Variants in RARB observed in about 807,000 individuals in gnomAD.
RARB encodes the protein HBV-activated protein.
RARB carries 17 observed loss-of-function variants against 51.9 expected under a neutral mutation model. That is an observed-to-expected ratio of 0.33 (90% confidence interval 0.22 to 0.49). The LOEUF is 0.49. RARB is among the 20% of genes least tolerant of loss of function. The probability of loss-of-function intolerance (pLI) is 0.99; values close to 1 mark genes in which losing one functional copy is unlikely to be tolerated. For missense variants in RARB, 369 were observed against 550.8 expected (o/e 0.67, Z 3.30); for synonymous variants, 215 against 195.4 (o/e 1.10, Z -0.84).
At chr3:25,593,167 T>TTC (rs1039279957) in intron 5 of RARB, among the ~76,000 whole-genome samples, 1 of 145,250 alleles carries the variant, frequency 6.9e-6, no homozygotes, top group Non-Finnish European at 1.5e-5. Flanking sequence ...TTATTCATCT[T>TTC]TTTTTTTTTT....
intron 5 of RARB, among the ~76,000 whole-genome samples, chr3:25,407,521 G>A (rs2125498542): frequency 6.6e-6 from 1 of 152,150 alleles, no homozygotes; most frequent in African/African-American, 2.4e-5. Flanking sequence ...TTGTATTTCT[G>A]TCCCTTTGAG....
chr3:25,445,966 G>A (rs1708912569), intron 1 of RARB, among the ~76,000 whole-genome samples: 1 of 152,150 alleles, frequency 6.6e-6, no homozygotes, highest in Admixed American at 6.5e-5. Context: ...ATGGATTAAA[G>A]GTATTAAAAC....
chr3:24,903,722 T>TATTG, intron 2 of RARB, among the ~76,000 whole-genome samples: 1 of 152,232 alleles, frequency 6.6e-6, no homozygotes, highest in African/African-American at 2.4e-5. Context: ...ATCTGATAAA[T>TATTG]ACTGACATCA....
At position 25,428,324 on chromosome 3, in the gene RARB, G is replaced by A. The variant is rs1559396537; in HGVS notation, c.-408G>A. The A allele has an allele frequency of 3.2e-6, 4 of 1,245,832 alleles. No homozygotes were observed. The highest frequency in any genetic ancestry group is 4.0e-6 in the Non-Finnish European group (4 of 995,808). 77.2% of individuals were successfully genotyped at this position (1,245,832 alleles called of 1,614,324 possible). ...AGGAGGGTCTATTCTTTGCCAAAGG[G>A]GGGACCAGAATTCCCCCATGCGAGC... On this transcript the variant is annotated 5_prime_UTR_variant, in exon 1 of 8. Coordinates refer to ENST00000330688, the MANE Select transcript of RARB (RefSeq NM_000965.5).
intron 5 of RARB, among the ~76,000 whole-genome samples, chr3:25,200,316 G>C (rs913375625): frequency 2.0e-5 from 3 of 150,118 alleles, no homozygotes; most frequent in African/African-American, 4.9e-5. Context: ...AAATTTGTTT[G>C]AGTTCTCTGT....
At chr3:25,016,193 A>T (rs1697504260) in intron 2 of RARB, among the ~76,000 whole-genome samples, 1 of 152,216 alleles carries the variant, frequency 6.6e-6, no homozygotes, top group East Asian at 1.9e-4. Context: ...TGTAGAGCAC[A>T]CTGTACTTAT....
intron 5 of RARB, among the ~76,000 whole-genome samples, chr3:25,186,736 A>AT (rs1178622146): frequency 3.3e-5 from 5 of 152,038 alleles, no homozygotes; most frequent in Non-Finnish European, 5.9e-5. Context: ...AAAAGAAATG[A>AT]TTTTTTTCCT....
chr3:25,324,144 C>T (rs556958646), intron 5 of RARB: 6 of 152,472 alleles, frequency 3.9e-5, no homozygotes, highest in African/African-American at 7.2e-5. Context: ...CTCTCTTTGT[C>T]ATCTCTTTTT....
intron 4 of RARB, among the ~76,000 whole-genome samples, chr3:25,146,685 T>G (rs1700199207): frequency 2.0e-5 from 3 of 151,116 alleles, no homozygotes. Context: ...TTTGTGGGGT[T>G]TTTTTTGTAT....
chr3:25,532,543 T>A (rs73048048), intron 3 of RARB, among the ~76,000 whole-genome samples: 6,759 of 152,302 alleles, frequency 0.044, 211 homozygotes, highest in Middle Eastern at 0.16. Flanking sequence ...GTAGTTTCTC[T>A]AGTGATAATT....
intron 2 of RARB, among the ~76,000 whole-genome samples, chr3:24,921,544 T>A (rs940375180): frequency 1.3e-5 from 2 of 152,144 alleles, no homozygotes; most frequent in African/African-American, 4.8e-5. Context: ...GCCCTGTGTT[T>A]ACCAGTGAGC....
intron 2 of RARB, among the ~76,000 whole-genome samples, chr3:25,466,059 A>C (rs76815724): frequency 0.043 from 6,594 of 152,242 alleles, 291 homozygotes; most frequent in Admixed American, 0.12. Flanking sequence ...TGGGGGTGAT[A>C]TTACCTACCT....
chr3:25,381,288 G>A (rs535083646), intron 5 of RARB, among the ~76,000 whole-genome samples: 101 of 152,276 alleles, frequency 6.6e-4, no homozygotes, highest in Admixed American at 6.2e-3. Flanking sequence ...TTAGCCCAGG[G>A]ATGAGGATAA....
At chr3:24,870,552 T>A (rs1702927387) in intron 2 of RARB, among the ~76,000 whole-genome samples, 1 of 152,136 alleles carries the variant, frequency 6.6e-6, no homozygotes, top group Non-Finnish European at 1.5e-5. Flanking sequence ...AGTTTAAGCC[T>A]TCTACCTATA....
At chr3:24,892,136 G>A (rs1371479058) in intron 2 of RARB, among the ~76,000 whole-genome samples, 3 of 151,578 alleles carry the variant, frequency 2.0e-5, no homozygotes, top group African/African-American at 7.3e-5. Context: ...GCCAGATGAA[G>A]GAGGACATGT....
chr3:25,226,637 G>C (rs1207928489), intron 5 of RARB, among the ~76,000 whole-genome samples: 1 of 152,126 alleles, frequency 6.6e-6, no homozygotes, highest in Non-Finnish European at 1.5e-5. Flanking sequence ...CACTCAACTT[G>C]TCTTCAAGCA....
At chr3:24,917,910 G>T (rs1038732534) in intron 2 of RARB, among the ~76,000 whole-genome samples, 1 of 152,238 alleles carries the variant, frequency 6.6e-6, no homozygotes, top group Non-Finnish European at 1.5e-5. Flanking sequence ...GTAAGTACTG[G>T]TGAAGATGTA....
Position 25,262,508 on chromosome 3 carries a change from T to C in RARB, c.178+87933T>C, listed in dbSNP as rs551331033. On this transcript the variant is annotated intron_variant, in intron 5 of 11. Coordinates refer to the RARB transcript ENST00000383772. Reference sequence around the variant, plus strand: ...GCAGGGCTCGTTCCTTTCTGTTGACTTTGGACATGATCCTTGTCCTTAACC... The same window carrying C: ...GCAGGGCTCGTTCCTTTCTGTTGACCTTGGACATGATCCTTGTCCTTAACC... Among the ~76,000 whole-genome samples, 110 of 152,336 alleles carry C rather than the reference T, an allele frequency of 7.2e-4. 1 individual carries two copies. The highest frequency in any genetic ancestry group is 2.6e-3 in the African/African-American group (108 of 41,582).
intron 5 of RARB, among the ~76,000 whole-genome samples, chr3:25,360,171 C>T (rs1705883649): frequency 6.6e-6 from 1 of 152,134 alleles, no homozygotes; most frequent in South Asian, 2.1e-4. Flanking sequence ...GTATTGGGTG[C>T]ATATATATTT....
Sources: gnomAD v4.1 joint callset for allele counts (sites outside exome capture counted in the v4.1 genomes callset) on GRCh38, gnomAD v4.1.1 for gene constraint, MANE v1.5 for transcripts, NCBI Gene and HGNC (gene_info 2026-07-23, HGNC 2026-07-21) for gene names.